The following BTBD9 variants were observed in gnomAD, a reference collection of about 807,000 sequenced individuals.
The protein encoded by BTBD9 is BTB domain containing 9.
In BTBD9, 49 loss-of-function variants were observed where a neutral mutation model predicts 64.3. The observed-to-expected ratio is 0.76, with a 90% confidence interval of 0.61 to 0.97. BTBD9 has a LOEUF of 0.97. Ranked by LOEUF, BTBD9 falls within the 50% of genes least tolerant of loss-of-function variation. BTBD9 has a pLI of 0.00. For missense variants in BTBD9, 598 were observed against 762.1 expected, an observed-to-expected ratio of 0.78 and a Z score of 2.53; for synonymous variants, 260 against 274.7, an observed-to-expected ratio of 0.95 and a Z score of 0.53.
intron 6 of BTBD9, among the ~76,000 whole-genome samples, chr6:38,396,897 C>CTTTTTTTTTTTTTTTTTTTTTT (rs146597621): frequency 1.7e-4 from 18 of 107,378 alleles, no homozygotes; most frequent in South Asian, 3.2e-4. Context: ...TTTTCTTTTT[C>CTTTTTTTTTTTTTTTTTTTTTT]TTTTTTTTTT....
At chr6:38,350,875 T>C (rs987280172) in intron 6 of BTBD9, among the ~76,000 whole-genome samples, 6 of 152,228 alleles carry the variant, frequency 3.9e-5, no homozygotes, top group Middle Eastern at 3.2e-3. Context: ...TATTTGACCT[T>C]TTCCTTTAAG....
chr6:38,469,853 C>T (rs1770565691), intron 6 of BTBD9, among the ~76,000 whole-genome samples: 1 of 152,152 alleles, frequency 6.6e-6, no homozygotes, highest in Non-Finnish European at 1.5e-5. Context: ...TTATTATATG[C>T]CACATACTCT....
In BTBD9 at chr6:38,580,208, A is replaced by C; in HGVS notation, c.1034+10T>G. The C allele has an allele frequency of 1.2e-6, 2 of 1,609,860 alleles. No homozygotes were observed. Among genetic ancestry groups the C allele is most frequent in the Non-Finnish European group, 1.7e-6 (2 of 1,176,230 alleles). On this transcript the variant is annotated intron_variant, in intron 5 of 10. Coordinates refer to ENST00000481247, the MANE Select transcript of BTBD9 (RefSeq NM_001099272.2). ...ATAATGTCAGTTTCTAAGTCATGCT[A>C]ATCACTTACCGGCTATCTCGGTCCC...
chr6:38,187,519 G>A (rs912062295), intron 10 of BTBD9, among the ~76,000 whole-genome samples: 3 of 152,092 alleles, frequency 2.0e-5, no homozygotes, highest in Non-Finnish European at 2.9e-5. Context: ...CAAAGGAGTC[G>A]GGGGAAGCGT....
At chr6:38,438,658 T>C (rs896647433) in intron 6 of BTBD9, among the ~76,000 whole-genome samples, 5 of 152,252 alleles carry the variant, frequency 3.3e-5, no homozygotes, top group African/African-American at 1.2e-4. Flanking sequence ...ATTCTTTCAA[T>C]CTTACAAGTA....
intron 1 of BTBD9, among the ~76,000 whole-genome samples, chr6:38,630,141 T>C (rs888802769): frequency 6.6e-6 from 1 of 150,712 alleles, no homozygotes; most frequent in African/African-American, 2.4e-5. Context: ...AAGACAGAGG[T>C]TGCAGTGAGC....
At chr6:38,411,911 G>A (rs1196601162) in intron 6 of BTBD9, among the ~76,000 whole-genome samples, 2 of 151,894 alleles carry the variant, frequency 1.3e-5, no homozygotes, top group Non-Finnish European at 2.9e-5. Context: ...GGGCAACAGG[G>A]CAAGACTCTG....
intron 6 of BTBD9, among the ~76,000 whole-genome samples, chr6:38,520,893 G>A (rs904740523): frequency 6.6e-6 from 1 of 152,282 alleles, no homozygotes. Context: ...GCCACAGTGA[G>A]CTATAATTGT....
At chr6:38,325,959 C>T (rs1261302457) in intron 7 of BTBD9, among the ~76,000 whole-genome samples, 5 of 151,976 alleles carry the variant, frequency 3.3e-5, no homozygotes, top group Non-Finnish European at 5.9e-5. Flanking sequence ...CTTCTATTAT[C>T]GAACCATGTA....
intron 9 of BTBD9, among the ~76,000 whole-genome samples, chr6:38,208,933 C>T (rs1432471931): frequency 6.6e-6 from 1 of 152,154 alleles, no homozygotes; most frequent in Non-Finnish European, 1.5e-5. Flanking sequence ...TTGTTTTGGC[C>T]ACACGCTGAC....
intron 9 of BTBD9, among the ~76,000 whole-genome samples, chr6:38,246,461 C>CGTGTGT (rs146032456): frequency 0.11 from 15,863 of 150,856 alleles, 1,175 homozygotes; most frequent in East Asian, 0.43. Context: ...CGTGCACGTA[C>CGTGTGT]GTGTGTGTGT....
At chr6:38,188,482 G>A (rs916516409) in intron 10 of BTBD9, among the ~76,000 whole-genome samples, 8 of 152,258 alleles carry the variant, frequency 5.3e-5, no homozygotes, top group Non-Finnish European at 8.8e-5. Context: ...TCGGCAAAGC[G>A]TGTGTTCACG....
chr6:38,459,166 G>A (rs1349906754), intron 6 of BTBD9, among the ~76,000 whole-genome samples: 3 of 151,898 alleles, frequency 2.0e-5, no homozygotes, highest in African/African-American at 4.8e-5. Context: ...TTACAGGTGC[G>A]CACCACCACG....
At chr6:38,380,034 G>A (rs1765865602) in intron 6 of BTBD9, among the ~76,000 whole-genome samples, 1 of 152,144 alleles carries the variant, frequency 6.6e-6, no homozygotes, top group Non-Finnish European at 1.5e-5. Context: ...ATGGAGACTG[G>A]AGTAAATGAA....
In BTBD9 at chr6:38,328,564, C is replaced by CGTGTGTGTGTGTGTGTGTCT. The variant is rs1442660083; in HGVS notation, c.1264+16419_1264+16420insAGACACACACACACACACAC. ...AATATATTTCGGCCATTTAAGCCAC[C>CGTGTGTGTGTGTGTGTGTCT]GTGTGTGTGTGTGTGTGTGTGTGTG... On this transcript the variant is annotated intron_variant, in intron 7 of 10. Transcript: ENST00000481247. Among the ~76,000 whole-genome samples, 211 of 130,502 alleles carry CGTGTGTGTGTGTGTGTGTCT rather than the reference C, an allele frequency of 1.6e-3. 1 individual carries two copies. Among genetic ancestry groups the CGTGTGTGTGTGTGTGTGTCT allele is most frequent in the Middle Eastern group, 7.4e-3 (2 of 270 alleles). The allele number at this position is 130,502 out of a possible 152,430, so 85.6% of individuals were successfully genotyped here.
chr6:38,595,777 C>G, intron 2 of BTBD9: 2 of 985,312 alleles, frequency 2.0e-6, no homozygotes, highest in Non-Finnish European at 2.4e-6. Flanking sequence ...TACCTCTTCA[C>G]TGGGTTATAC....
At chr6:38,241,755 G>T (rs1763999617) in intron 9 of BTBD9, among the ~76,000 whole-genome samples, 1 of 152,202 alleles carries the variant, frequency 6.6e-6, no homozygotes. Flanking sequence ...CAACTGTGGG[G>T]AAAATATGCT....
chr6:38,397,341 C>T (rs1337565842), intron 6 of BTBD9, among the ~76,000 whole-genome samples: 3 of 152,224 alleles, frequency 2.0e-5, no homozygotes, highest in Non-Finnish European at 2.9e-5. Flanking sequence ...TTAGTTATTG[C>T]AATGGAGATG....
intron 4 of BTBD9, among the ~76,000 whole-genome samples, chr6:38,580,738 A>G (rs930072296): frequency 6.6e-6 from 1 of 152,032 alleles, no homozygotes; most frequent in Admixed American, 6.6e-5. Context: ...CCTATTAAAA[A>G]CAAACAAAAA....
Sources: gnomAD v4.1 joint callset for allele counts (sites outside exome capture counted in the v4.1 genomes callset) on GRCh38, gnomAD v4.1.1 for gene constraint, MANE v1.5 for transcripts, NCBI Gene and HGNC (gene_info 2026-07-23, HGNC 2026-07-21) for gene names.